Variants in AGBL4 observed in about 807,000 individuals in gnomAD.
AGBL4 encodes the protein cytosolic carboxypeptidase 6.
In AGBL4, 58 loss-of-function variants were observed where a neutral mutation model predicts 66.4. The ratio of observed to expected loss-of-function variants is 0.87; its 90% CI spans 0.71 to 1.09. The LOEUF is 1.09. AGBL4 is among the 50% of genes least tolerant of loss of function. The pLI is 0.00. For synonymous variants in AGBL4, 234 were observed against 222.9 expected, an observed-to-expected ratio of 1.05 and a Z score of -0.44; for missense variants, 579 against 631.0, an observed-to-expected ratio of 0.92 and a Z score of 0.88.
Position 48,828,853 on chromosome 1 carries a change from G to C in AGBL4, c.634+38338C>G, listed in dbSNP as rs191552407. Among the ~76,000 whole-genome samples the C allele has an allele frequency of 1.1e-4, 16 of 152,180 alleles. 1 individual carries two copies. The East Asian group carries it at 3.1e-3, about 29-fold the overall frequency. On this transcript the variant is annotated intron_variant, in intron 6 of 13. Coordinates refer to ENST00000371839, the MANE Select transcript of AGBL4 (RefSeq NM_032785.4). ...TTATCATAGAAGTAACTTTAAATCTGCTTTACCTCATATAAAAAAGTAGAT... is the reference window on the plus strand; with the variant it reads ...TTATCATAGAAGTAACTTTAAATCTCCTTTACCTCATATAAAAAAGTAGAT...
intron 3 of AGBL4, among the ~76,000 whole-genome samples, chr1:49,573,138 G>GTGTC (rs1268397522): frequency 7.4e-6 from 1 of 134,410 alleles, no homozygotes; most frequent in African/African-American, 3.1e-5. Context: ...GTGTCTGTGT[G>GTGTC]TGTGTGTCTG....
chr1:49,347,402 A>C (rs1378272924), intron 3 of AGBL4, among the ~76,000 whole-genome samples: 2 of 151,190 alleles, frequency 1.3e-5, no homozygotes, highest in African/African-American at 2.4e-5. Context: ...CAGGTGCACA[A>C]CACCACGCCC....
chr1:48,942,317 G>A (rs375198256), intron 5 of AGBL4, among the ~76,000 whole-genome samples: 1 of 151,884 alleles, frequency 6.6e-6, no homozygotes, highest in African/African-American at 2.4e-5. Flanking sequence ...TGGTGGGGGG[G>A]GGGGGTTGTG....
intron 3 of AGBL4, among the ~76,000 whole-genome samples, chr1:49,279,530 T>G (rs1644235014): frequency 6.6e-6 from 1 of 151,828 alleles, no homozygotes; most frequent in Admixed American, 6.6e-5. Context: ...CAAGTTGAAG[T>G]TGGGGGACAG....
At chr1:48,673,002 G>C (rs776746740) in intron 6 of AGBL4, among the ~76,000 whole-genome samples, 1 of 152,042 alleles carries the variant, frequency 6.6e-6, no homozygotes, top group African/African-American at 2.4e-5. Context: ...TCAGTACGTT[G>C]CCCGGGGCTG....
intron 11 of AGBL4, among the ~76,000 whole-genome samples, chr1:48,551,322 T>C (rs1644245315): frequency 6.6e-6 from 1 of 152,218 alleles, no homozygotes. Flanking sequence ...AGCCTTAGTG[T>C]CCTCATCTCT....
At chr1:48,617,529 G>C (rs1645339125) in intron 9 of AGBL4, among the ~76,000 whole-genome samples, 1 of 152,084 alleles carries the variant, frequency 6.6e-6, no homozygotes, top group South Asian at 2.1e-4. Flanking sequence ...TCCCCAAAGG[G>C]ACTCTCTAAA....
At chr1:49,681,134 G>A (rs1646685225) in intron 3 of AGBL4, among the ~76,000 whole-genome samples, 1 of 152,012 alleles carries the variant, frequency 6.6e-6, no homozygotes, top group Admixed American at 6.6e-5. Flanking sequence ...GTAATAGTTT[G>A]TAAAAGAATT....
chr1:48,728,494 T>C (rs1362705655), intron 6 of AGBL4, among the ~76,000 whole-genome samples: 1 of 152,040 alleles, frequency 6.6e-6, no homozygotes. Context: ...TTTTTTTTTT[T>C]TTTTACTCAA....
chr1:49,913,406 C>G (rs1035119922), intron 1 of AGBL4, among the ~76,000 whole-genome samples: 6 of 152,246 alleles, frequency 3.9e-5, no homozygotes, highest in African/African-American at 1.4e-4. Flanking sequence ...GAAGAATAAC[C>G]TCCATTGACT....
chr1:48,820,214 G>C (rs575011301), intron 6 of AGBL4, among the ~76,000 whole-genome samples: 1 of 152,214 alleles, frequency 6.6e-6, no homozygotes, highest in Admixed American at 6.5e-5. Context: ...TCTGGGCCCT[G>C]GGACTTCCTT....
At chr1:49,860,780 C>CA (rs1557521243) in intron 1 of AGBL4, among the ~76,000 whole-genome samples, 1 of 133,086 alleles carries the variant, frequency 7.5e-6, no homozygotes. Flanking sequence ...AAAAAAAAAA[C>CA]AAAAAACAAA....
chr1:48,971,479 A>G (rs1036059672), intron 5 of AGBL4, among the ~76,000 whole-genome samples: 1 of 151,936 alleles, frequency 6.6e-6, no homozygotes, highest in Admixed American at 6.6e-5. Context: ...TATTGAGGGG[A>G]AAAAAAACAG....
intron 1 of AGBL4, among the ~76,000 whole-genome samples, chr1:50,000,115 A>T (rs1370705484): frequency 6.6e-6 from 1 of 152,178 alleles, no homozygotes; most frequent in Non-Finnish European, 1.5e-5. Flanking sequence ...CAAAAGAAAT[A>T]ATCAGCAGAC....
At position 49,622,387 on chromosome 1, in the gene AGBL4, T is replaced by C. The variant is rs1269488955; in HGVS notation, c.282+74926A>G. 1.3e-5 allele frequency among the ~76,000 whole-genome samples: 2 copies of C among 151,974 alleles called. 1 individual carries two copies. Among genetic ancestry groups the C allele is most frequent in the South Asian group, 4.1e-4 (2 of 4,820 alleles). ...GCTCACGCCTGTAATCCCAGCACTTTGGGAGGCCGAGGCGGGCGGATCACG... is the reference window on the plus strand; with the variant it reads ...GCTCACGCCTGTAATCCCAGCACTTCGGGAGGCCGAGGCGGGCGGATCACG... On this transcript the variant is annotated intron_variant, in intron 3 of 13. Coordinates refer to ENST00000371839, the MANE Select transcript of AGBL4 (RefSeq NM_032785.4).
chr1:48,571,603 A>G lies in AGBL4; in HGVS notation c.1267+15401T>C, dbSNP rs543897726. On this transcript the variant is annotated intron_variant, in intron 11 of 13. Coordinates refer to ENST00000371839, the MANE Select transcript of AGBL4 (RefSeq NM_032785.4). ...CCACTGCCTCCTACTGGGCCCCCAC[A>G]TGGATTCCCAGGTGAGATGTTTCTT... is the stretch of plus-strand genomic sequence containing the variant. Among the ~76,000 whole-genome samples, 3 of 152,336 alleles carry G rather than the reference A, an allele frequency of 2.0e-5. No individual in the cohort carries two copies. In the East Asian group the frequency reaches 5.8e-4, roughly 29 times the overall value.
intron 3 of AGBL4, among the ~76,000 whole-genome samples, chr1:49,307,373 A>C (rs1186912573): frequency 2.6e-5 from 4 of 152,162 alleles, no homozygotes; most frequent in Admixed American, 6.5e-5. Context: ...AACAAAAAAT[A>C]GTCTTTGGAG....
rs12079692 is a variant in AGBL4, at chr1:48,937,309, T to C, written c.595-70079A>G. Among the ~76,000 whole-genome samples, 1,116 of 152,302 alleles carry C rather than the reference T, an allele frequency of 7.3e-3. 19 individuals carry two copies. Among genetic ancestry groups the C allele is most frequent in the African/African-American group, 0.025 (1,034 of 41,564 alleles). On this transcript the variant is annotated intron_variant, in intron 5 of 13. Transcript: ENST00000371839. The stretch of plus-strand genomic sequence containing the variant: ...AGTCAGATGATGACACTTGGCTGAA[T>C]TGGTGGGAGTTATTATTATAATAAC...
In AGBL4 at chr1:48,967,023, AT is replaced by A. The variant is rs59078407; in HGVS notation, c.594+78560del. On this transcript the variant is annotated intron_variant, in intron 5 of 13. Coordinates refer to ENST00000371839, the MANE Select transcript of AGBL4 (RefSeq NM_032785.4). ...AGCCATATTGTAGTGTTCGGTTTAC[AT>A]TTTTTTTTTAAACACACACACAGAC... 2.8e-3 allele frequency among the ~76,000 whole-genome samples: 415 copies of A among 147,042 alleles called. 4 individuals are homozygous for A. Among genetic ancestry groups the A allele is most frequent in the African/African-American group, 9.9e-3 (397 of 40,118 alleles).
Sources: gnomAD v4.1 joint callset for allele counts (sites outside exome capture counted in the v4.1 genomes callset) on GRCh38, gnomAD v4.1.1 for gene constraint, MANE v1.5 for transcripts, NCBI Gene and HGNC (gene_info 2026-07-23, HGNC 2026-07-21) for gene names.